Variants in RIPK1 observed in about 807,000 individuals in gnomAD.
RIPK1 encodes the protein receptor interacting serine/threonine kinase 1.
Under a neutral mutation model 62.4 loss-of-function variants are expected in RIPK1, and 27 were observed. The observed-to-expected ratio is 0.43, with a 90% CI of 0.32 to 0.60. The LOEUF (loss-of-function observed/expected upper bound fraction) is 0.60. Ranked by LOEUF, RIPK1 falls within the 20% of genes least tolerant of loss-of-function variation. The pLI is 0.07. For synonymous variants in RIPK1, 287 were observed against 303.2 expected, an observed-to-expected ratio of 0.95 and a Z score of 0.55; for missense variants, 735 against 831.0, an observed-to-expected ratio of 0.88 and a Z score of 1.42.
At chr6:3,104,491 T>G (rs1046179236) in intron 8 of RIPK1, among the ~76,000 whole-genome samples, 176 bp downstream of exon 8, 1 of 152,178 alleles carries the variant, frequency 6.6e-6, no homozygotes, top group Non-Finnish European at 1.5e-5. Flanking sequence ...ATTTGAAATA[T>G]GAAGTAACAG....
chr6:3,108,395 G>GTAA (rs576800945), intron 9 of RIPK1, among the ~76,000 whole-genome samples: 2 of 152,058 alleles, frequency 1.3e-5, no homozygotes, highest in Non-Finnish European at 2.9e-5. Flanking sequence ...TCTCCACTTC[G>GTAA]TAACTTTCAT....
upstream of RIPK1, chr6:3,068,402 C>T (rs1216813969): frequency 1.0e-6 from 1 of 985,346 alleles, no homozygotes; most frequent in African/African-American, 1.7e-5. Flanking sequence ...GGACTCAGAC[C>T]CCGGGCGCGA....
intron 4 of RIPK1, among the ~76,000 whole-genome samples, chr6:3,081,346 T>A (rs1408879965): frequency 6.6e-6 from 1 of 151,412 alleles, no homozygotes; most frequent in Non-Finnish European, 1.5e-5. Flanking sequence ...AGGAGTGGAG[T>A]TGAATGGGGT....
Position 3,105,931 on chromosome 6 carries a change from C to A in RIPK1, c.1456C>A (p.Pro486Thr), listed in dbSNP as rs202192603. Residue 486 changes from proline (P) to threonine (T), a missense_variant, in exon 9 of 11, where the codon CCC becomes ACC. Coordinates refer to ENST00000259808, the MANE Select transcript of RIPK1 (RefSeq NM_001354930.2). The surrounding 1 kb of genome is among the most constrained non-coding windows in gnomAD (Gnocchi z 4.5). ...ACCACTGGATCCAGGAACAGCAGGT[C>A]CCAGAGTTTGGTACAGGCCAATTCC... ...TRPLDPGTAG[P>T]RVWYRPIPSH... 6.2e-7 allele frequency: 1 copy of A among 1,614,070 alleles called. No homozygotes were observed. Among genetic ancestry groups the A allele is most frequent in the Admixed American group, 1.7e-5 (1 of 60,000 alleles).
upstream of RIPK1, among the ~76,000 whole-genome samples, chr6:3,064,855 A>AG (rs1301607337): frequency 6.6e-6 from 1 of 152,042 alleles, no homozygotes; most frequent in Non-Finnish European, 1.5e-5. Flanking sequence ...GGATCAAGGG[A>AG]GGGGCAGGTG....
chr6:3,080,413 A>C (rs1250640989), intron 3 of RIPK1, among the ~76,000 whole-genome samples: 1 of 152,236 alleles, frequency 6.6e-6, no homozygotes, highest in Non-Finnish European at 1.5e-5. Flanking sequence ...AGGTCATCAA[A>C]TAGATATTAA....
chr6:3,079,536 G>A (rs906565210), intron 3 of RIPK1, among the ~76,000 whole-genome samples: 6 of 152,252 alleles, frequency 3.9e-5, no homozygotes, highest in African/African-American at 1.2e-4. Flanking sequence ...AGAATACCAT[G>A]TAGAGACTGC....
upstream of RIPK1, among the ~76,000 whole-genome samples, chr6:3,066,267 G>A (rs1561737726): frequency 2.0e-5 from 3 of 152,140 alleles, no homozygotes. Context: ...CAGGCAATCC[G>A]CCCGACTTGG....
chr6:3,068,603 C>T lies in RIPK1; in HGVS notation c.-119C>T. ...GGGCGCCAGAGCGCGGCCATCCGGG[C>T]GGGGCCGACGGAGCGCGGCAGGACT... On this transcript the variant is annotated 5_prime_UTR_variant, in exon 1 of 11. Transcript: ENST00000259808. The T allele has an allele frequency of 1.0e-6, 1 of 985,298 alleles. No individual in the cohort carries two copies. Among genetic ancestry groups the T allele is most frequent in the Non-Finnish European group, 1.2e-6 (1 of 829,920 alleles). The allele number at this position is 985,298 out of a possible 1,614,324, so 61.0% of individuals were successfully genotyped here. A position where few individuals can be genotyped will look rare whatever the true frequency, so the allele number is the denominator to read the frequency against.
At chr6:3,081,538 A>G (rs983272919) in intron 4 of RIPK1, among the ~76,000 whole-genome samples, 1 of 152,122 alleles carries the variant, frequency 6.6e-6, no homozygotes, top group Non-Finnish European at 1.5e-5. Flanking sequence ...TGTGTGCGGA[A>G]AATCCTTAGA....
Position 3,113,141 on chromosome 6 carries a change from C to T in RIPK1, c.1818C>T (p.Gly606=), listed in dbSNP as rs142928574. ...KHWKNCARKL[G]FTQSQIDEID... ...GGAAAAACTGTGCCCGTAAACTGGG[C>T]TTCACACAGTCTCAGATTGATGAAA... Residue 606 remains glycine (G), a synonymous_variant, in exon 11 of 11, where the codon GGC becomes GGT. Transcript: ENST00000259808. The surrounding 1 kb of genome is among the most constrained non-coding windows in gnomAD (Gnocchi z 5.0). The T allele has an allele frequency of 5.0e-6, 8 of 1,613,014 alleles. No individual in the cohort carries two copies. Among genetic ancestry groups the T allele is most frequent in the South Asian group, 1.1e-5 (1 of 91,024 alleles).
rs185800616 is a variant in RIPK1 at position 3,100,636 on chromosome 6, G to T, written c.916-3589G>T. Among the ~76,000 whole-genome samples, 4 of 152,072 alleles carry T rather than the reference G, an allele frequency of 2.6e-5. No homozygotes were observed. In the East Asian group the frequency reaches 7.8e-4, roughly 30 times the overall value. ...GAGACGGTCTTACTCTGTCACCCAG[G>T]CTGGAGTGCAGTGACACAATCTGGG... On this transcript the variant is annotated intron_variant, in intron 7 of 10. Coordinates refer to ENST00000259808, the MANE Select transcript of RIPK1 (RefSeq NM_001354930.2).
At chr6:3,100,093 C>T (rs151278098) in intron 7 of RIPK1, among the ~76,000 whole-genome samples, 31 of 152,196 alleles carry the variant, frequency 2.0e-4, no homozygotes, top group Admixed American at 9.8e-4. Flanking sequence ...AGTCACAAAA[C>T]AATACTTACA....
Position 3,083,197 on chromosome 6 carries a change from A to G in RIPK1, c.572A>G (p.Tyr191Cys). The change falls in exon 5 of 11, where the codon TAC becomes TGC. Residue 191 changes from tyrosine to cysteine, a missense_variant. This residue lies in a region of RIPK1 where 671 missense variants were observed against 726.2 expected (regional missense o/e 0.92). Coordinates refer to ENST00000259808, the MANE Select transcript of RIPK1 (RefSeq NM_001354930.2). ...GTAKKNGGTLYYMAPEHLNDV... is the reference protein window; with the variant it reads ...GTAKKNGGTLCYMAPEHLNDV... ...GCTAAGAAGAATGGCGGCACCCTCT[A>G]CTACATGGCGCCCGAGCACCTGAAT... 2 of 1,614,026 alleles carry G rather than the reference A, an allele frequency of 1.2e-6. No homozygotes were observed.
At chr6:3,109,191 CAG>C (rs1265913985) in intron 9 of RIPK1, among the ~76,000 whole-genome samples, 1 of 152,096 alleles carries the variant, frequency 6.6e-6, no homozygotes, top group East Asian at 1.9e-4. Flanking sequence ...AGAAGTCAAA[CAG>C]ACCCAGCTCA....
At chr6:3,090,540 C>T (rs17548203) in intron 7 of RIPK1, among the ~76,000 whole-genome samples, 14,059 of 152,094 alleles carry the variant, frequency 0.092, 1,463 homozygotes, top group African/African-American at 0.26. Flanking sequence ...AATGTGGATC[C>T]ACCTTCAATA....
chr6:3,078,372 C>G (rs1186037163), intron 3 of RIPK1, among the ~76,000 whole-genome samples: 5 of 152,170 alleles, frequency 3.3e-5, no homozygotes, highest in African/African-American at 9.6e-5. Flanking sequence ...GACCCTGTCT[C>G]TGAAAAAAAG....
intron 9 of RIPK1, among the ~76,000 whole-genome samples, chr6:3,109,716 A>G (rs1226257973): frequency 6.6e-6 from 1 of 152,228 alleles, no homozygotes. Flanking sequence ...TTATGCAACC[A>G]TCACCACCAT....
At chr6:3,073,316 A>C (rs1386585273) in intron 1 of RIPK1, among the ~76,000 whole-genome samples, 1 of 151,798 alleles carries the variant, frequency 6.6e-6, no homozygotes, top group Non-Finnish European at 1.5e-5. Context: ...ATGAACGTAT[A>C]CTTTTTTTTT....
Sources: gnomAD v4.1 joint callset for allele counts (sites outside exome capture counted in the v4.1 genomes callset) on GRCh38, gnomAD v4.1.1 for gene constraint, gnomAD v4.1.1 regional missense constraint, Gnocchi (gnomAD v3.1) non-coding constraint, MANE v1.5 for transcripts, NCBI Gene and HGNC (gene_info 2026-07-23, HGNC 2026-07-21) for gene names.